Variants in SCARA3 observed in about 807,000 individuals in gnomAD.
SCARA3 encodes scavenger receptor class A member 3.
In SCARA3, 39 loss-of-function variants were observed where a neutral mutation model predicts 47.0. The observed-to-expected ratio is 0.83, with a 90% CI of 0.64 to 1.08. SCARA3 has a LOEUF of 1.08. SCARA3 is among the 50% of genes least tolerant of loss of function. The pLI, the probability that SCARA3 is intolerant of heterozygous loss-of-function variation, is 0.00. For synonymous variants in SCARA3, 356 were observed against 334.1 expected, an observed-to-expected ratio of 1.07 and a Z score of -0.71; for missense variants, 724 against 792.3, an observed-to-expected ratio of 0.91 and a Z score of 1.04.
chr8:27,659,402 A>T lies in SCARA3; in HGVS notation c.1232A>T (p.Asp411Val), dbSNP rs1313766520. Residue 411 changes from aspartate (D) to valine (V), a missense_variant, in exon 5 of 6, where the codon GAC (aspartate) becomes GTC (valine). By Grantham distance (152) the Asp-to-Val change is radical (BLOSUM62 -3). Coordinates refer to ENST00000301904, the MANE Select transcript of SCARA3 (RefSeq NM_016240.3). ...KSVSIMLGTT[D>V]LLRERFSLLS... is the part of the protein sequence containing the mutation. Reference sequence around the variant, plus strand: ...GTCTCCATCATGCTGGGCACCACAGACCTGCTCCGGGAGCGCTTCAGCCTG... The same window carrying T: ...GTCTCCATCATGCTGGGCACCACAGTCCTGCTCCGGGAGCGCTTCAGCCTG... 6 of 1,613,726 alleles carry T rather than the reference A, an allele frequency of 3.7e-6. No homozygotes were observed. The highest frequency in any genetic ancestry group is 5.1e-6 in the Non-Finnish European group (6 of 1,179,908).
At chr8:27,637,960 G>A (rs888641650) in intron 1 of SCARA3, among the ~76,000 whole-genome samples, 2 of 152,048 alleles carry the variant, frequency 1.3e-5, no homozygotes, top group African/African-American at 4.8e-5. Context: ...TGTGGTGAAG[G>A]TGAAAAGAGC....
In SCARA3 at chr8:27,672,115, A is replaced by C; in HGVS notation, c.*764A>C. 1.0e-6 allele frequency: 1 copy of C among 985,422 alleles called. No homozygotes were observed. Among genetic ancestry groups the C allele is most frequent in the East Asian group, 1.1e-4 (1 of 8,804 alleles). 61.0% of individuals were successfully genotyped at this position (985,422 alleles called of 1,614,324 possible). ...ACAAGACCCTCCCCATAAGCAGGGGACCAGCATACCCGGGAGCTGTCCCTG... is the reference window on the plus strand; with the variant it reads ...ACAAGACCCTCCCCATAAGCAGGGGCCCAGCATACCCGGGAGCTGTCCCTG... On this transcript the variant is annotated 3_prime_UTR_variant, in exon 6 of 6. Transcript: ENST00000301904.
At chr8:27,651,207 C>A (rs1801624300) in intron 2 of SCARA3, among the ~76,000 whole-genome samples, 1 of 152,186 alleles carries the variant, frequency 6.6e-6, no homozygotes. Context: ...TCAGTAGGAC[C>A]AATGGAGAGG....
chr8:27,685,246 C>G, the SCARA3 span, among the ~76,000 whole-genome samples: 1 of 152,150 alleles, frequency 6.6e-6, no homozygotes, highest in Non-Finnish European at 1.5e-5. Context: ...CTCACCAAAA[C>G]TGACTTAATA....
At chr8:27,654,519 G>C (rs774082294) in intron 3 of SCARA3, among the ~76,000 whole-genome samples, 1 of 152,162 alleles carries the variant, frequency 6.6e-6, no homozygotes, top group Non-Finnish European at 1.5e-5. Flanking sequence ...AACACCTTGG[G>C]AGGCCAAGGT....
At chr8:27,678,906 G>A (rs944150323), downstream of SCARA3, among the ~76,000 whole-genome samples, 2 of 152,126 alleles carry the variant, frequency 1.3e-5, no homozygotes, top group African/African-American at 2.4e-5. Context: ...AATCAATGTA[G>A]GCCAGGTGTG....
intron 1 of SCARA3, among the ~76,000 whole-genome samples, chr8:27,636,713 C>T (rs1801260240): frequency 6.6e-6 from 1 of 152,150 alleles, no homozygotes; most frequent in Admixed American, 6.5e-5. Context: ...GTGTGTTTTT[C>T]CTCCAGCCTC....
chr8:27,639,370 G>A (rs34749879), intron 1 of SCARA3, among the ~76,000 whole-genome samples: 46 of 152,276 alleles, frequency 3.0e-4, no homozygotes, highest in African/African-American at 1.0e-3. Context: ...TGGGAATCCC[G>A]GGAGAGAAAG....
chr8:27,649,327 C>T (rs1410577230), intron 1 of SCARA3, among the ~76,000 whole-genome samples: 2 of 152,196 alleles, frequency 1.3e-5, no homozygotes, highest in African/African-American at 4.8e-5. Flanking sequence ...AAGAGGAATT[C>T]TGCTTCGGTG....
At chr8:27,634,288 C>G (rs1467094512) in intron 1 of SCARA3, 81 bp downstream of exon 1, 64 of 1,231,350 alleles carry the variant, frequency 5.2e-5, no homozygotes, top group Admixed American at 2.2e-4. Flanking sequence ...GGCGCCTTTT[C>G]TGCAGGCGAG....
the SCARA3 span, among the ~76,000 whole-genome samples, chr8:27,686,668 G>A: frequency 6.6e-6 from 1 of 152,098 alleles, no homozygotes; most frequent in African/African-American, 2.4e-5. Context: ...ATTGCTCTGG[G>A]CTTAAATCCT....
At chr8:27,634,453 T>C (rs767799400) in intron 1 of SCARA3, among the ~76,000 whole-genome samples, 9 of 152,116 alleles carry the variant, frequency 5.9e-5, no homozygotes, top group Non-Finnish European at 1.2e-4. Flanking sequence ...TCATCGGCCG[T>C]TGCTCTAACC....
At chr8:27,690,698 T>A in the SCARA3 span, among the ~76,000 whole-genome samples, 2 of 152,184 alleles carry the variant, frequency 1.3e-5, no homozygotes, top group African/African-American at 2.4e-5. Context: ...ATACAGTTTT[T>A]AAATTTTTTT....
At chr8:27,649,677 T>C (rs1224608459) in intron 1 of SCARA3, 25 bp from the exon 2 acceptor site, 3 of 1,610,374 alleles carry the variant, frequency 1.9e-6, no homozygotes, top group Non-Finnish European at 2.5e-6. Context: ...TGGCTTTGGG[T>C]CTGACGGCAC....
Position 27,671,985 on chromosome 8 carries a change from G to A in SCARA3, c.*634G>A, listed in dbSNP as rs1751243317. ...ACATCTGTCTCTGGGCACCCATGCT[G>A]GCCAGCAGTTTCCCAGGGCTCCCTG... On this transcript the variant is annotated 3_prime_UTR_variant, in exon 6 of 6. Coordinates refer to ENST00000301904, the MANE Select transcript of SCARA3 (RefSeq NM_016240.3). The A allele has an allele frequency of 4.1e-6, 4 of 985,234 alleles. No homozygotes were observed. Among genetic ancestry groups the A allele is most frequent in the African/African-American group, 1.7e-5 (1 of 57,212 alleles). 61.0% of individuals were successfully genotyped at this position (985,234 alleles called of 1,614,324 possible). A position where few individuals can be genotyped will look rare whatever the true frequency, so the allele number is the denominator to read the frequency against.
chr8:27,650,689 G>A (rs1390949264), intron 2 of SCARA3, among the ~76,000 whole-genome samples: 1 of 152,148 alleles, frequency 6.6e-6, no homozygotes, highest in African/African-American at 2.4e-5. Context: ...CATTCCCACT[G>A]GGTGTTGGCC....
rs202059796 is a variant in SCARA3 at position 27,671,103 on chromosome 8, A to C, written c.1573A>C (p.Lys525Gln). 393 of 1,603,686 alleles carry C rather than the reference A, an allele frequency of 2.5e-4. 2 individuals are homozygous for C. The East Asian group carries it at 6.1e-3, about 25-fold the overall frequency. Residue 525 changes from lysine to glutamine, a missense_variant, in exon 6 of 6, where the codon AAG becomes CAG. By Grantham distance (53) the Lys-to-Gln change is moderately conservative. Coordinates refer to ENST00000301904, the MANE Select transcript of SCARA3 (RefSeq NM_016240.3). ...AGGGTTCCCAGGCCTCAAAGGCTCAAAGGGCAGCTTTGGAACTGGAGGGCC... is the reference window on the plus strand; with the variant it reads ...AGGGTTCCCAGGCCTCAAAGGCTCACAGGGCAGCTTTGGAACTGGAGGGCC... ...PRGFPGLKGS[K>Q]GSFGTGGPRG... is the part of the protein sequence containing the mutation.
At chr8:27,656,023 A>T (rs1177894881) in intron 3 of SCARA3, among the ~76,000 whole-genome samples, 1 of 152,240 alleles carries the variant, frequency 6.6e-6, no homozygotes, top group Non-Finnish European at 1.5e-5. Context: ...CCCTTCTGAC[A>T]TATGGTCAAG....
the SCARA3 span, among the ~76,000 whole-genome samples, chr8:27,693,916 C>G: frequency 1.3e-5 from 2 of 152,194 alleles, no homozygotes; most frequent in African/African-American, 4.8e-5. Context: ...CCAGATAGAA[C>G]CAATGTACGT....
Sources: allele counts gnomAD v4.1 joint callset (sites outside exome capture counted in the v4.1 genomes callset), GRCh38; gene constraint gnomAD v4.1.1; transcripts MANE v1.5; gene names NCBI Gene and HGNC (gene_info 2026-07-23, HGNC 2026-07-21).